The following DOCK5 variants were observed in gnomAD, a reference collection of about 807,000 sequenced individuals.
DOCK5 encodes the protein dedicator of cytokinesis 5.
DOCK5 carries 142 observed loss-of-function variants against 251.8 expected under a neutral mutation model. The observed-to-expected ratio is 0.56, with a 90% confidence interval of 0.49 to 0.65. DOCK5 has a LOEUF of 0.65. Ranked by LOEUF, DOCK5 falls within the 30% of genes least tolerant of loss-of-function variation. The probability of loss-of-function intolerance (pLI) is 0.00; values close to 1 mark genes in which losing one functional copy is unlikely to be tolerated. For missense variants in DOCK5, 2,111 were observed against 2,312.3 expected (o/e 0.91, Z 1.79); for synonymous variants, 842 against 835.5 (o/e 1.01, Z -0.13).
intron 26 of DOCK5, among the ~76,000 whole-genome samples, chr8:25,351,004 C>T (rs1226105424): frequency 6.6e-6 from 1 of 152,040 alleles, no homozygotes; most frequent in African/African-American, 2.4e-5. Flanking sequence ...GTATTTTTGC[C>T]TTTAATTTCC....
At chr8:25,269,403 G>A (rs1364703941) in intron 3 of DOCK5, among the ~76,000 whole-genome samples, 2 of 152,086 alleles carry the variant, frequency 1.3e-5, no homozygotes, top group African/African-American at 2.4e-5. Flanking sequence ...AAATGAAACC[G>A]AAAAGTAGAG....
rs752345558 is a variant in DOCK5 at position 25,400,964 on chromosome 8, G to A, written c.4824G>A (p.Gly1608=). 4 of 1,613,900 alleles carry A rather than the reference G, an allele frequency of 2.5e-6. No individual in the cohort carries two copies. The African/African-American group carries it at 4.0e-5, about 16-fold the overall frequency. Residue 1608 remains glycine, a synonymous_variant, in exon 47 of 52, where the codon GGG becomes GGA. Coordinates refer to ENST00000276440, the MANE Select transcript of DOCK5 (RefSeq NM_024940.8). ...TAACAGAAGGGATCCGCATCCATGG[G>A]GAGAAACTCACAGAGCAGCTGAAGC... is the stretch of plus-strand genomic sequence containing the variant. ...PLLTEGIRIH[G]EKLTEQLKPL...
chr8:25,371,503 AAT>A (rs1800872135), intron 34 of DOCK5, among the ~76,000 whole-genome samples: 1 of 152,208 alleles, frequency 6.6e-6, no homozygotes, highest in African/African-American at 2.4e-5. Context: ...TGAATTGATG[AAT>A]AGTCTGTATT....
intron 21 of DOCK5, among the ~76,000 whole-genome samples, chr8:25,335,111 T>C (rs79123389): frequency 0.049 from 7,415 of 152,302 alleles, 249 homozygotes; most frequent in South Asian, 0.12. Flanking sequence ...GCCTTCCAGT[T>C]ATTGTGCAGA....
At chr8:25,299,254 A>T (rs993307056) in intron 8 of DOCK5, 153 bp downstream of exon 8, 8 of 857,296 alleles carry the variant, frequency 9.3e-6, no homozygotes, top group Non-Finnish European at 1.4e-5. Context: ...CATATGGTCT[A>T]TGAAGCCTTC....
chr8:25,336,755 G>A (rs985388321), intron 22 of DOCK5, among the ~76,000 whole-genome samples: 1 of 152,162 alleles, frequency 6.6e-6, no homozygotes, highest in African/African-American at 2.4e-5. Context: ...GTGTTTCCTT[G>A]TTGACACTGT....
In DOCK5 at chr8:25,342,413, C is replaced by G; in HGVS notation, c.2523C>G (p.Cys841Trp). The stretch of plus-strand genomic sequence containing the variant: ...GTTTCTCTCCCAGCGTGCTCTTCTG[C>G]AAATTCATTCAAAGCATTCCTGACA... The part of the protein sequence containing the change: ...FDPVELSVLF[C>W]KFIQSIPDNQ... Residue 841 changes from cysteine to tryptophan, a missense_variant, in exon 25 of 52, where the codon TGC becomes TGG. Physicochemically the swap from Cys to Trp is radical, Grantham distance 215 (BLOSUM62 -2). This residue lies in a region of DOCK5 where 1,717 missense variants were observed against 1,892.4 expected (regional missense o/e 0.91). Coordinates refer to ENST00000276440, the MANE Select transcript of DOCK5 (RefSeq NM_024940.8). 6 of 1,592,882 alleles carry G rather than the reference C, an allele frequency of 3.8e-6. No individual in the cohort carries two copies. Among genetic ancestry groups the G allele is most frequent in the Non-Finnish European group, 5.1e-6 (6 of 1,168,012 alleles).
intron 46 of DOCK5, among the ~76,000 whole-genome samples, chr8:25,400,525 G>C (rs1404416645): frequency 1.9e-5 from 2 of 105,392 alleles, no homozygotes; most frequent in East Asian, 6.2e-4. Context: ...AAGTTCATCT[G>C]TTGGTTTCCT....
chr8:25,253,975 C>G (rs904326422), intron 2 of DOCK5, among the ~76,000 whole-genome samples: 2 of 152,272 alleles, frequency 1.3e-5, no homozygotes, highest in African/African-American at 4.8e-5. Flanking sequence ...ACTGACACTA[C>G]CTGATTTCAC....
intron 17 of DOCK5, among the ~76,000 whole-genome samples, 177 bp from the exon 18 acceptor site, chr8:25,325,187 A>G (rs942015153): frequency 2.0e-5 from 3 of 152,200 alleles, no homozygotes; most frequent in African/African-American, 7.2e-5. Context: ...TCATGAAATT[A>G]TTTCTGGGCT....
At chr8:25,200,756 C>A (rs1431962022) in intron 1 of DOCK5, among the ~76,000 whole-genome samples, 2 of 152,202 alleles carry the variant, frequency 1.3e-5, no homozygotes, top group Non-Finnish European at 2.9e-5. Context: ...AAAACCAAAT[C>A]CAATATTTTA....
chr8:25,255,747 A>G (rs1177140941), intron 2 of DOCK5, among the ~76,000 whole-genome samples: 18 of 152,242 alleles, frequency 1.2e-4, no homozygotes, highest in Admixed American at 1.2e-3. Flanking sequence ...GGGTATGTTG[A>G]TAGCAGGGAT....
At chr8:25,338,135 G>A (rs1021863199) in intron 22 of DOCK5, among the ~76,000 whole-genome samples, 1 of 151,768 alleles carries the variant, frequency 6.6e-6, no homozygotes, top group Non-Finnish European at 1.5e-5. Context: ...TCTGCTTCCC[G>A]GGCTCAAGCG....
chr8:25,294,583 G>C (rs2666177), intron 6 of DOCK5, among the ~76,000 whole-genome samples: 150,288 of 152,246 alleles, frequency 0.99, 74,212 homozygotes, highest in Middle Eastern at 1. Flanking sequence ...CGATATGGCC[G>C]TTAGTATTCC....
chr8:25,199,451 T>C (rs1379089318), intron 1 of DOCK5, among the ~76,000 whole-genome samples: 1 of 145,380 alleles, frequency 6.9e-6, no homozygotes, highest in Non-Finnish European at 1.5e-5. Flanking sequence ...TGGCACCATC[T>C]CAGCTCACTG....
chr8:25,287,262 A>G (rs1269651206), intron 5 of DOCK5, among the ~76,000 whole-genome samples: 1 of 152,218 alleles, frequency 6.6e-6, no homozygotes, highest in Non-Finnish European at 1.5e-5. Flanking sequence ...CACTGTCTCT[A>G]CTAAAAATAA....
chr8:25,365,913 T>G (rs751218863), intron 30 of DOCK5, among the ~76,000 whole-genome samples: 1 of 152,156 alleles, frequency 6.6e-6, no homozygotes, highest in African/African-American at 2.4e-5. Flanking sequence ...TGCATGCACA[T>G]ATAGATGAAT....
chr8:25,369,355 A>G (rs1203665868), intron 33 of DOCK5, among the ~76,000 whole-genome samples: 1 of 152,248 alleles, frequency 6.6e-6, no homozygotes, highest in Non-Finnish European at 1.5e-5. Flanking sequence ...TGTAATGCAA[A>G]GGACAAAGTA....
chr8:25,390,123 T>C (rs973226961), intron 41 of DOCK5, 83 bp from the exon 42 acceptor site: 22 of 1,229,444 alleles, frequency 1.8e-5, no homozygotes, highest in Middle Eastern at 2.3e-4. Flanking sequence ...CATTTCCGGC[T>C]GTGAAGCAGG....
Sources: gnomAD v4.1 joint callset for allele counts (sites outside exome capture counted in the v4.1 genomes callset) on GRCh38, gnomAD v4.1.1 for gene constraint, gnomAD v4.1.1 regional missense constraint, MANE v1.5 for transcripts, NCBI Gene and HGNC (gene_info 2026-07-23, HGNC 2026-07-21) for gene names.